SCP2: variants seen among roughly 807,000 people sequenced by gnomAD.
SCP2 encodes the protein sterol carrier protein 2.
A neutral mutation model predicts 71.4 loss-of-function variants in SCP2; 48 were observed. That is an observed-to-expected ratio of 0.67 (90% CI 0.53 to 0.86). SCP2 has a LOEUF of 0.86. SCP2 is among the 40% of genes least tolerant of loss of function. SCP2 has a pLI of 0.00. For synonymous variants in SCP2, 220 were observed against 218.1 expected, an observed-to-expected ratio of 1.01 and a Z score of -0.08; for missense variants, 560 against 655.6, an observed-to-expected ratio of 0.85 and a Z score of 1.59.
intron 11 of SCP2, among the ~76,000 whole-genome samples, 190 bp from the exon 12 acceptor site, chr1:53,014,700 A>G (rs1053000135): frequency 6.6e-6 from 1 of 152,248 alleles, no homozygotes; most frequent in Non-Finnish European, 1.5e-5. Flanking sequence ...TTAAGTTGAA[A>G]GAGTGCAGGA....
intron 14 of SCP2, among the ~76,000 whole-genome samples, chr1:53,045,462 T>C (rs1434896563): frequency 6.6e-6 from 1 of 152,196 alleles, no homozygotes; most frequent in African/African-American, 2.4e-5. Context: ...CTTTGCATTG[T>C]TTCAATCTGG....
rs761422754 is a variant in SCP2, at chr1:53,014,863, C to G, written c.1082-27C>G. 9.9e-6 allele frequency: 16 copies of G among 1,611,482 alleles called. No homozygotes were observed. In the South Asian group the frequency reaches 1.4e-4, roughly 14 times the overall value. The stretch of plus-strand genomic sequence containing the variant: ...GGCTTGAGAAAGCTGGTGGAAGCAG[C>G]TCAGTGCTCTGTGTTCGATTTGTTA... On this transcript the variant is annotated intron_variant, in intron 11 of 15. Transcript: ENST00000371514.
At position 53,050,748 on chromosome 1, in the gene SCP2, A is replaced by G; in HGVS notation, c.*44A>G. The G allele has an allele frequency of 8.2e-7, 1 of 1,213,884 alleles. No homozygotes were observed. The highest frequency in any genetic ancestry group is 1.2e-6 in the Non-Finnish European group (1 of 816,420). 75.2% of individuals were successfully genotyped at this position (1,213,884 alleles called of 1,614,324 possible). On this transcript the variant is annotated 3_prime_UTR_variant, in exon 16 of 16. Transcript: ENST00000371514. ...TTTTGAAAATCAAGATGAGATATAT[A>G]GATATATATCCATACATTTTATTGT...
intron 11 of SCP2, among the ~76,000 whole-genome samples, chr1:53,002,566 T>A (rs1426844601): frequency 6.6e-6 from 1 of 152,232 alleles, no homozygotes. Flanking sequence ...ATAGGAATGT[T>A]GTAAGGAGAA....
At chr1:53,027,302 G>A (rs1490896902) in intron 12 of SCP2, among the ~76,000 whole-genome samples, 3 of 151,950 alleles carry the variant, frequency 2.0e-5, no homozygotes, top group Admixed American at 6.6e-5. Context: ...CGATCTGTCC[G>A]CCTTGGCCTC....
At chr1:53,013,882 C>CCT (rs1661145298) in intron 11 of SCP2, among the ~76,000 whole-genome samples, 1 of 63,056 alleles carries the variant, frequency 1.6e-5, no homozygotes, top group East Asian at 6.4e-4. Flanking sequence ...ATAGAACATT[C>CCT]TTTTTTTTTT....
chr1:52,936,124 A>G (rs897545519), intron 1 of SCP2, among the ~76,000 whole-genome samples: 3 of 152,206 alleles, frequency 2.0e-5, no homozygotes, highest in African/African-American at 7.2e-5. Flanking sequence ...ATGCTAAACA[A>G]TGGCATTCTT....
intron 10 of SCP2, among the ~76,000 whole-genome samples, chr1:52,985,109 C>T (rs1205103680): frequency 1.3e-5 from 2 of 152,162 alleles, no homozygotes; most frequent in Non-Finnish European, 2.9e-5. Context: ...TCCCAAAGTG[C>T]TGGGATTACA....
In SCP2 at chr1:52,941,462, C is replaced by T. The variant is rs144688049; in HGVS notation, c.70-334C>T. Among the ~76,000 whole-genome samples the T allele has an allele frequency of 2.9e-3, 443 of 152,062 alleles. 4 individuals carry two copies. Among genetic ancestry groups the T allele is most frequent in the African/African-American group, 9.9e-3 (409 of 41,478 alleles). On this transcript the variant is annotated intron_variant, in intron 1 of 15. Transcript: ENST00000371514. ...AAAAATGTAACTATACTTGGCTGGG[C>T]GCAGTGGCTCACACCTGTAATCCCA...
chr1:52,943,034 T>C (rs978390411), intron 2 of SCP2, among the ~76,000 whole-genome samples: 2 of 152,038 alleles, frequency 1.3e-5, no homozygotes, highest in African/African-American at 2.4e-5. Flanking sequence ...GCAGTTATAC[T>C]AAAAATTCAC....
chr1:53,027,526 C>T (rs913511935), intron 12 of SCP2, among the ~76,000 whole-genome samples: 6 of 152,132 alleles, frequency 3.9e-5, no homozygotes, highest in Non-Finnish European at 5.9e-5. Context: ...TTGTTTATGA[C>T]GGAGTTTCGC....
intron 11 of SCP2, chr1:52,995,132 C>G (rs1381313771): frequency 4.0e-6 from 2 of 496,666 alleles, no homozygotes; most frequent in Non-Finnish European, 8.1e-6. Context: ...TTGCAGCTGA[C>G]CCACTCAATG....
intron 14 of SCP2, among the ~76,000 whole-genome samples, chr1:53,040,972 G>A (rs1319877767): frequency 1.3e-5 from 2 of 152,122 alleles, no homozygotes; most frequent in Non-Finnish European, 1.5e-5. Flanking sequence ...TTTAAAAATG[G>A]ACAACAGAAT....
intron 13 of SCP2, among the ~76,000 whole-genome samples, chr1:53,037,884 A>ACGCG (rs147425374): frequency 1.4e-5 from 1 of 70,638 alleles, no homozygotes; most frequent in African/African-American, 7.6e-5. Context: ...CTACATACAC[A>ACGCG]CACACACACA....
At chr1:52,948,250 AG>A (rs1654980098) in intron 3 of SCP2, among the ~76,000 whole-genome samples, 170 bp downstream of exon 3, 1 of 152,236 alleles carries the variant, frequency 6.6e-6, no homozygotes, top group Non-Finnish European at 1.5e-5. Flanking sequence ...GTCTGATTTA[AG>A]GGAATTACCA....
intron 11 of SCP2, chr1:52,995,592 T>A (rs10493171): frequency 0.11 from 53,748 of 505,374 alleles, 7,064 homozygotes; most frequent in African/African-American, 0.47. Flanking sequence ...CAGGTAGGAT[T>A]TCAATGCCAA....
chr1:53,015,562 A>G (rs1275484503), intron 12 of SCP2, among the ~76,000 whole-genome samples: 1 of 152,058 alleles, frequency 6.6e-6, no homozygotes, highest in East Asian at 1.9e-4. Flanking sequence ...TCCCTTGCTT[A>G]TCTCTCAAAG....
chr1:52,990,274 AAAAG>A (rs1009124568), intron 11 of SCP2, among the ~76,000 whole-genome samples: 2 of 152,114 alleles, frequency 1.3e-5, no homozygotes, highest in African/African-American at 4.8e-5. Flanking sequence ...TCAACAAAAA[AAAAG>A]AAAGACATGC....
At chr1:53,039,718 G>T (rs1663286837) in intron 14 of SCP2, among the ~76,000 whole-genome samples, 1 of 152,150 alleles carries the variant, frequency 6.6e-6, no homozygotes, top group Non-Finnish European at 1.5e-5. Flanking sequence ...CTAAGCATTG[G>T]AGTGTTCCAA....
Sources: allele counts gnomAD v4.1 joint callset (sites outside exome capture counted in the v4.1 genomes callset), GRCh38; gene constraint gnomAD v4.1.1; transcripts MANE v1.5; gene names NCBI Gene and HGNC (gene_info 2026-07-23, HGNC 2026-07-21).